The following MXRA5 variants were observed in gnomAD, a reference collection of about 807,000 sequenced individuals.
The protein encoded by MXRA5 is matrix-remodeling-associated protein 5.
Under a neutral mutation model 112.5 loss-of-function variants are expected in MXRA5, and 41 were observed. The ratio of observed to expected loss-of-function variants is 0.36; its 90% CI spans 0.28 to 0.47. The LOEUF (loss-of-function observed/expected upper bound fraction) is 0.47. Among genes scored for constraint, MXRA5 ranks in the 20% least tolerant of loss-of-function variants. MXRA5 has a pLI of 0.99. For synonymous variants in MXRA5, 862 were observed against 900.8 expected (o/e 0.96, Z 0.77); for missense variants, 2,150 against 2,251.0 (o/e 0.96, Z 0.91).
intron 2 of MXRA5, among the ~76,000 whole-genome samples, chrX:3,338,510 A>T (rs1424987235): frequency 9.0e-6 from 1 of 111,549 alleles, no homozygotes; most frequent in East Asian, 2.8e-4. Flanking sequence ...TGATAGATAG[A>T]TGATAGATGA....
Position 3,325,805 on chromosome X carries a change from CATATATTTATAAATAAATATATAATA to C in MXRA5, c.710-856_710-831del, listed in dbSNP as rs769296141. Among the ~76,000 whole-genome samples the C allele has an allele frequency of 1.1e-3, 84 of 76,915 alleles. 3 individuals carry two copies. Among genetic ancestry groups the C allele is most frequent in the African/African-American group, 3.8e-3 (79 of 20,819 alleles). The allele number at this position is 76,915 out of a possible 115,157, so 66.8% of individuals were successfully genotyped here. A position where few individuals can be genotyped will look rare whatever the true frequency, so the allele number is the denominator to read the frequency against. ...AACAATATATAAATTTATAGATGTA[CATATATTTATAAATAAATATATAATA>C]ATATATTTATTCATAAATAATTTAT... On this transcript the variant is annotated intron_variant, in intron 4 of 6. Coordinates refer to ENST00000217939, the MANE Select transcript of MXRA5 (RefSeq NM_015419.4).
intron 2 of MXRA5, among the ~76,000 whole-genome samples, chrX:3,338,119 C>A (rs1921821662): frequency 9.0e-6 from 1 of 111,007 alleles, no homozygotes; most frequent in Non-Finnish European, 1.9e-5. Flanking sequence ...CTGAACGGAG[C>A]CCAGAAGAAG....
intron 1 of MXRA5, among the ~76,000 whole-genome samples, chrX:3,345,819 G>A (rs1922094500): frequency 8.8e-6 from 1 of 113,064 alleles, no homozygotes; most frequent in South Asian, 3.6e-4. Flanking sequence ...GCGTCGAGCT[G>A]GCTGCGGGAT....
intron 4 of MXRA5, among the ~76,000 whole-genome samples, chrX:3,327,273 G>A (rs1921536122): frequency 9.0e-6 from 1 of 111,575 alleles, no homozygotes; most frequent in Non-Finnish European, 1.9e-5. Flanking sequence ...CATGCGAATA[G>A]GATTGTTTTG....
chrX:3,315,384 AGATAGAT>A lies in MXRA5; in HGVS notation c.6578+1712_6578+1718del, dbSNP rs1921080191. The stretch of plus-strand genomic sequence containing the variant: ...AGATAGATAGATAGAATAGATAGAT[AGATAGAT>A]GATAGATAGATAGATAGATAGATAG... On this transcript the variant is annotated intron_variant, in intron 6 of 6. Transcript: ENST00000217939. Among the ~76,000 whole-genome samples the A allele has an allele frequency of 1.6e-4, 6 of 36,786 alleles. 2 individuals carry two copies. Among genetic ancestry groups the A allele is most frequent in the African/African-American group, 1.1e-3 (6 of 5,689 alleles). 31.9% of individuals were successfully genotyped at this position (36,786 alleles called of 115,157 possible).
intron 2 of MXRA5, among the ~76,000 whole-genome samples, chrX:3,338,665 T>C (rs766695026): frequency 5.4e-5 from 6 of 110,588 alleles, no homozygotes; most frequent in Non-Finnish European, 7.6e-5. Context: ...AATAGATACA[T>C]CAATAGATAA....
chrX:3,343,306 G>A (rs1282662754), intron 2 of MXRA5, among the ~76,000 whole-genome samples: 2 of 112,012 alleles, frequency 1.8e-5, no homozygotes, highest in Middle Eastern at 4.6e-3. Flanking sequence ...ATCTTCATAT[G>A]TTTAAGTGTG....
chrX:3,329,682 C>G (rs1254303893), intron 4 of MXRA5, among the ~76,000 whole-genome samples: 2 of 111,592 alleles, frequency 1.8e-5, no homozygotes, highest in East Asian at 5.7e-4. Flanking sequence ...CAGCCCCTTC[C>G]CAGTCCCAGT....
At chrX:3,312,638 T>C (rs1218138849) in intron 6 of MXRA5, among the ~76,000 whole-genome samples, 1 of 109,331 alleles carries the variant, frequency 9.1e-6, no homozygotes. Context: ...CATAGCTAAC[T>C]GTAGTCTCGA....
At chrX:3,336,443 C>T (rs926422171) in intron 2 of MXRA5, among the ~76,000 whole-genome samples, 7 of 111,572 alleles carry the variant, frequency 6.3e-5, no homozygotes, top group Non-Finnish European at 5.6e-5. Context: ...GGCTGGGGAC[C>T]GCTGATCTAT....
chrX:3,336,707 T>C (rs1420754458), intron 2 of MXRA5, among the ~76,000 whole-genome samples: 2 of 112,616 alleles, frequency 1.8e-5, no homozygotes, highest in African/African-American at 6.5e-5. Context: ...TGAATTTTAC[T>C]TTAAAAAATT....
chrX:3,325,523 A>T (rs1181763880), intron 4 of MXRA5, among the ~76,000 whole-genome samples: 1 of 105,402 alleles, frequency 9.5e-6, no homozygotes, highest in African/African-American at 3.4e-5. Context: ...TAGATAACAT[A>T]TAGATATATA....
In MXRA5 at chrX:3,324,725, C is replaced by T. The variant is rs201067206; in HGVS notation, c.960G>A (p.Leu320=). ...TGTTCCCGTGCTCGTCGGTCATATT[C>T]AAAGAGATGCTCCACTGGGGCAGTT... ...KFQLPQWSIS[L]NMTDEHGNMV... The change falls in exon 5 of 7, where the codon TTG becomes TTA. Residue 320 remains leucine, a synonymous_variant. Transcript: ENST00000217939. The T allele has an allele frequency of 5.0e-5, 60 of 1,208,143 alleles. No homozygotes were observed. In the Middle Eastern group the frequency reaches 6.9e-4, roughly 14 times the overall value.
Position 3,330,104 on chromosome X carries a change from A to G in MXRA5, c.623T>C (p.Leu208Pro). 1 of 1,210,384 alleles carries G rather than the reference A, an allele frequency of 8.3e-7. No individual in the cohort carries two copies. Among genetic ancestry groups the G allele is most frequent in the Non-Finnish European group, 1.1e-6 (1 of 894,852 alleles). The change falls in exon 4 of 7, where the codon CTT becomes CCT. Residue 208 changes from leucine (L) to proline (P), a missense_variant. Physicochemically the swap from Leu to Pro is moderately conservative, Grantham distance 98 (BLOSUM62 -3). Transcript: ENST00000217939. ...LPASMLRNMP[L>P]LENLYLQGNP... The stretch of plus-strand genomic sequence containing the variant: ...TCCCTGCAAGTAAAGATTCTCCAGA[A>G]GCGGCATGTTCCGAAGCATGCTGGC...
rs748730482 is a variant in MXRA5, at chrX:3,321,092, C to T, written c.4593G>A (p.Leu1531=). 2.1e-5 allele frequency: 26 copies of T among 1,210,094 alleles called. No homozygotes were observed. In the African/African-American group the frequency reaches 4.4e-4, roughly 20 times the overall value. ...CTGTTTCTGGATTCCCCACATAATT[C>T]AAGAAAACATTTTCCTTGGAATCTC... ...ASRDSKENVF[L]NYVGNPETEA... is the part of the protein sequence containing the mutation. The change falls in exon 5 of 7, where the codon TTG becomes TTA. Residue 1531 remains leucine (L), a synonymous_variant. Coordinates refer to ENST00000217939, the MANE Select transcript of MXRA5 (RefSeq NM_015419.4).
At position 3,310,576 on chromosome X, in the gene MXRA5, T is replaced by C. The variant is rs771909889; in HGVS notation, c.7627A>G (p.Ile2543Val). Residue 2543 changes from isoleucine (I) to valine (V), a missense_variant, in exon 7 of 7, where the codon ATC (isoleucine) becomes GTC (valine). Physicochemically the swap from Ile to Val is conservative, Grantham distance 29. This residue lies in a region of MXRA5 where 93 missense variants were observed against 135.5 expected (regional missense o/e 0.69). Coordinates refer to ENST00000217939, the MANE Select transcript of MXRA5 (RefSeq NM_015419.4). ...TTCTCGCTGATCGGGTCGTGGAAGA[T>C]GGGTTTCTCCATGGGCTCCAGGACA... ...LTVLEPMEKP[I>V]FHDPISEKIT... 1.1e-5 allele frequency: 12 copies of C among 1,095,982 alleles called. 1 individual carries two copies. In the Admixed American group the frequency reaches 3.0e-4, roughly 27 times the overall value. The allele number at this position is 1,095,982 out of a possible 1,213,427, so 90.3% of individuals were successfully genotyped here.
chrX:3,316,176 T>C (rs1181464690), intron 6 of MXRA5, among the ~76,000 whole-genome samples: 10 of 91,113 alleles, frequency 1.1e-4, no homozygotes, highest in Admixed American at 6.1e-4. Flanking sequence ...TAGCCAGGCG[T>C]GGTGGCGGGC....
In MXRA5 at chrX:3,317,499, G is replaced by T. The variant is rs200199741; in HGVS notation, c.6182C>A (p.Pro2061Gln). Reference sequence around the variant, plus strand: ...GCAGTGAATGTGAATGCTGAGCCCCGGGGGCAGCGAGATGTTCTCCAGCTT... The same window carrying T: ...GCAGTGAATGTGAATGCTGAGCCCCTGGGGCAGCGAGATGTTCTCCAGCTT... Reference protein sequence around the residue: ...QEKLENISLPPGLSIHIHCTA... With the variant: ...QEKLENISLPQGLSIHIHCTA... The change falls in exon 6 of 7, where the codon CCG becomes CAG. Residue 2061 changes from proline to glutamine, a missense_variant. Physicochemically the swap from Pro to Gln is moderately conservative, Grantham distance 76. Transcript: ENST00000217939. The T allele has an allele frequency of 2.5e-6, 3 of 1,195,959 alleles. No individual in the cohort carries two copies. In the Admixed American group the frequency reaches 6.8e-5, roughly 27 times the overall value.
At chrX:3,346,372 T>G (rs953314977) in intron 1 of MXRA5, 143 bp downstream of exon 1, 21 of 269,947 alleles carry the variant, frequency 7.8e-5, no homozygotes, top group Non-Finnish European at 1.0e-4. Context: ...TCTTAGCAAC[T>G]TCAAACAGTG....
Sources: gnomAD v4.1 joint callset for allele counts (sites outside exome capture counted in the v4.1 genomes callset) on GRCh38, gnomAD v4.1.1 for gene constraint, gnomAD v4.1.1 regional missense constraint, MANE v1.5 for transcripts, NCBI Gene and HGNC (gene_info 2026-07-23, HGNC 2026-07-21) for gene names.